DLGAP2: variants seen among roughly 807,000 people sequenced by gnomAD.
DLGAP2 encodes DLG associated protein 2, also known as disks large-associated protein 2.
In DLGAP2, 26 loss-of-function variants were observed where a neutral mutation model predicts 100.3. The observed-to-expected ratio is 0.26, with a 90% confidence interval of 0.19 to 0.36. The LOEUF (loss-of-function observed/expected upper bound fraction) is 0.36. Ranked by LOEUF, DLGAP2 falls within the 10% of genes least tolerant of loss-of-function variation. The pLI is 1.00. For missense variants in DLGAP2, 1,858 were observed against 1,453.2 expected, an observed-to-expected ratio of 1.28 and a Z score of -4.53; for synonymous variants, 886 against 630.1, an observed-to-expected ratio of 1.41 and a Z score of -6.08.
intron 1 of DLGAP2, among the ~76,000 whole-genome samples, chr8:878,288 A>G (rs2128992832): frequency 1.3e-5 from 2 of 152,326 alleles, no homozygotes; most frequent in East Asian, 3.9e-4. Context: ...GAACAGAGCT[A>G]GAGTGTTTAG....
chr8:775,382 C>A (rs1266971062), intron 1 of DLGAP2, among the ~76,000 whole-genome samples: 1 of 149,722 alleles, frequency 6.7e-6, no homozygotes, highest in African/African-American at 2.5e-5. Context: ...ACTTCCAACA[C>A]TGTGTTGAAT....
At chr8:974,222 A>C (rs1424285988) in intron 2 of DLGAP2, among the ~76,000 whole-genome samples, 1 of 152,250 alleles carries the variant, frequency 6.6e-6, no homozygotes, top group Non-Finnish European at 1.5e-5. Flanking sequence ...TTTCATATTC[A>C]AACTATAGAA....
At chr8:1,414,478 C>CG (rs1328626211) in intron 3 of DLGAP2, among the ~76,000 whole-genome samples, 1 of 152,094 alleles carries the variant, frequency 6.6e-6, no homozygotes, top group Non-Finnish European at 1.5e-5. Flanking sequence ...CTGACCAGGC[C>CG]GGGGGTCCCA....
At chr8:1,009,344 T>C (rs901320310) in intron 2 of DLGAP2, among the ~76,000 whole-genome samples, 2 of 152,230 alleles carry the variant, frequency 1.3e-5, no homozygotes, top group African/African-American at 4.8e-5. Context: ...TCATATCGGA[T>C]AACGGGCTTT....
intron 3 of DLGAP2, among the ~76,000 whole-genome samples, chr8:1,491,297 A>G (rs1799377863): frequency 7.3e-6 from 1 of 136,578 alleles, no homozygotes; most frequent in Non-Finnish European, 1.6e-5. Context: ...TGCTGTGAGC[A>G]AGAGAAACAG....
At chr8:1,225,040 A>C (rs1798386664) in intron 2 of DLGAP2, among the ~76,000 whole-genome samples, 1 of 152,236 alleles carries the variant, frequency 6.6e-6, no homozygotes, top group African/African-American at 2.4e-5. Flanking sequence ...TTAAGTTTTC[A>C]CTATCCACAA....
rs1223047764 is a variant in DLGAP2 at position 1,321,104 on chromosome 8, T to C, written c.106+62221T>C. ...CTCTGTGTGTGCGCATGCATCCATGTGCCTCTGTGTGTGTGTGCATCCATG... is the reference window on the plus strand; with the variant it reads ...CTCTGTGTGTGCGCATGCATCCATGCGCCTCTGTGTGTGTGTGCATCCATG... On this transcript the variant is annotated intron_variant, in intron 3 of 14. Coordinates refer to ENST00000637795, the MANE Select transcript of DLGAP2 (RefSeq NM_001346810.2). 2.0e-5 allele frequency among the ~76,000 whole-genome samples: 3 copies of C among 152,140 alleles called. No homozygotes were observed. In the East Asian group the frequency reaches 5.8e-4, roughly 29 times the overall value.
chr8:1,233,920 A>G (rs1798589415), intron 2 of DLGAP2, among the ~76,000 whole-genome samples: 1 of 152,222 alleles, frequency 6.6e-6, no homozygotes, highest in African/African-American at 2.4e-5. Context: ...TAATGGTATT[A>G]ATGACACAAA....
At chr8:1,670,854 G>A (rs1368805813) in intron 10 of DLGAP2, among the ~76,000 whole-genome samples, 1 of 152,188 alleles carries the variant, frequency 6.6e-6, no homozygotes. Context: ...CACTGCAGGA[G>A]TAAAGGGGAG....
chr8:1,557,574 C>G (rs1357572417), intron 5 of DLGAP2, among the ~76,000 whole-genome samples: 2 of 152,084 alleles, frequency 1.3e-5, no homozygotes, highest in Non-Finnish European at 2.9e-5. Flanking sequence ...ATGCCGCCAG[C>G]CTGGGTGGTG....
At chr8:1,178,945 G>A (rs1563233993) in intron 2 of DLGAP2, among the ~76,000 whole-genome samples, 1 of 152,056 alleles carries the variant, frequency 6.6e-6, no homozygotes, top group Non-Finnish European at 1.5e-5. Context: ...TGCACCTGGG[G>A]CCCACGCCGC....
At chr8:1,630,934 G>C (rs1161981578) in intron 7 of DLGAP2, among the ~76,000 whole-genome samples, 1 of 147,260 alleles carries the variant, frequency 6.8e-6, no homozygotes, top group African/African-American at 2.5e-5. Flanking sequence ...CGGGTGTCCC[G>C]AGGGTCTCGG....
intron 1 of DLGAP2, among the ~76,000 whole-genome samples, chr8:871,964 A>G (rs1797606589): frequency 6.6e-6 from 1 of 152,162 alleles, no homozygotes; most frequent in Non-Finnish European, 1.5e-5. Flanking sequence ...ATTTCTTCTT[A>G]CATACTCTAC....
chr8:1,254,161 C>A (rs1424129990), intron 2 of DLGAP2, among the ~76,000 whole-genome samples: 1 of 152,160 alleles, frequency 6.6e-6, no homozygotes, highest in Admixed American at 6.5e-5. Flanking sequence ...GGTCACAGAT[C>A]CCACCCTTGC....
intron 3 of DLGAP2, among the ~76,000 whole-genome samples, chr8:1,368,074 G>A (rs577298509): frequency 1.5e-4 from 23 of 152,268 alleles, no homozygotes; most frequent in East Asian, 5.8e-4. Context: ...CTATCACGGC[G>A]GCCTCCTGTG....
chr8:1,460,337 G>A (rs1209597623), intron 3 of DLGAP2, among the ~76,000 whole-genome samples: 1 of 152,162 alleles, frequency 6.6e-6, no homozygotes, highest in African/African-American at 2.4e-5. Context: ...ACTAAACCAC[G>A]GGCTCTGATG....
intron 2 of DLGAP2, among the ~76,000 whole-genome samples, chr8:1,232,863 CG>C (rs1365429762): frequency 6.6e-6 from 1 of 152,178 alleles, no homozygotes; most frequent in Admixed American, 6.5e-5. Flanking sequence ...TGTGTTTGCA[CG>C]GTTGTGCAGC....
intron 6 of DLGAP2, among the ~76,000 whole-genome samples, chr8:1,619,394 A>T (rs755556090): frequency 3.8e-4 from 58 of 152,264 alleles, no homozygotes; most frequent in Non-Finnish European, 5.4e-4. Flanking sequence ...TACAAGTGAG[A>T]CCTGTGCCTT....
At chr8:840,366 G>A (rs1796958101) in intron 1 of DLGAP2, among the ~76,000 whole-genome samples, 1 of 120,914 alleles carries the variant, frequency 8.3e-6, no homozygotes, top group South Asian at 2.9e-4. Flanking sequence ...CACGGTGCAC[G>A]CCTGCACGTT....
Sources: allele counts gnomAD v4.1 joint callset (sites outside exome capture counted in the v4.1 genomes callset), GRCh38; gene constraint gnomAD v4.1.1; transcripts MANE v1.5; gene names NCBI Gene and HGNC (gene_info 2026-07-23, HGNC 2026-07-21).